Variants in OR1L8 observed in about 807,000 individuals in gnomAD.
OR1L8 encodes the protein olfactory receptor family 1 subfamily L member 8, also known as olfactory receptor 1L8.
For missense variants in OR1L8, 330 were observed against 377.4 expected (o/e 0.87, Z 1.04); for synonymous variants, 148 against 147.0 (o/e 1.01, Z -0.05).
At chr9:122,555,616 C>G in the OR1L8 span, among the ~76,000 whole-genome samples, 35,877 of 152,126 alleles carry the variant, frequency 0.24, 4,701 homozygotes, top group Middle Eastern at 0.34. Flanking sequence ...ATAAAGATAT[C>G]TACCTCAAGG....
chr9:122,563,242 T>C (rs1239655774), downstream of OR1L8, among the ~76,000 whole-genome samples: 1 of 152,076 alleles, frequency 6.6e-6, no homozygotes, highest in African/African-American at 2.4e-5. Context: ...TGATATCTCA[T>C]TGTGTTTTTA....
In OR1L8 at chr9:122,567,389, G is replaced by C; in HGVS notation, c.*159C>G. 1.9e-6 allele frequency: 1 copy of C among 536,196 alleles called. No homozygotes were observed. Among genetic ancestry groups the C allele is most frequent in the Non-Finnish European group, 3.2e-6 (1 of 307,804 alleles). 33.2% of individuals were successfully genotyped at this position (536,196 alleles called of 1,614,324 possible). A position where few individuals can be genotyped will look rare whatever the true frequency, so the allele number is the denominator to read the frequency against. ...TGATTTAAGAGATACAGGCCGAATT[G>C]TTGGGTCATCATCAATGGATGTAAG... On this transcript the variant is annotated 3_prime_UTR_variant, in exon 5 of 5. Transcript: ENST00000641027.
chr9:122,567,335 A>G lies in OR1L8; in HGVS notation c.*213T>C. On this transcript the variant is annotated 3_prime_UTR_variant, in exon 5 of 5. Transcript: ENST00000641027. ...AGTGGAAAAAATAAATCTTTCCAAG[A>G]AAGAGGAGACACAGACAGGAAACGA... The G allele has an allele frequency of 2.3e-6, 1 of 426,766 alleles. No individual in the cohort carries two copies. Among genetic ancestry groups the G allele is most frequent in the Non-Finnish European group, 4.1e-6 (1 of 242,344 alleles). 26.4% of individuals were successfully genotyped at this position (426,766 alleles called of 1,614,324 possible). A position where few individuals can be genotyped will look rare whatever the true frequency, so the allele number is the denominator to read the frequency against.
At chr9:122,568,991 G>A (rs535204099) in intron 4 of OR1L8, among the ~76,000 whole-genome samples, 1 of 149,306 alleles carries the variant, frequency 6.7e-6, no homozygotes, top group South Asian at 2.1e-4. Flanking sequence ...GAGGTTTCAG[G>A]ACACTCTTTC....
At chr9:122,560,140 A>G in the OR1L8 span, among the ~76,000 whole-genome samples, 2 of 152,242 alleles carry the variant, frequency 1.3e-5, no homozygotes, top group Middle Eastern at 3.4e-3. Flanking sequence ...GTCAGAGACT[A>G]GGATCACAAC....
At position 122,567,703 on chromosome 9, in the gene OR1L8, C is replaced by T. The variant is rs769191851; in HGVS notation, c.775G>A (p.Val259Ile). ...TAGGTGGATGGGGGCTGTAAATAGA[C>T]ACAGAAGATGCTTCCATAAAAGAGC... ...VTLFYGSIFC[V>I]YLQPPSTYAV... The change falls in exon 5 of 5, where the codon GTC (valine) becomes ATC (isoleucine). Residue 259 changes from valine to isoleucine, a missense_variant. By Grantham distance (29) the Val-to-Ile change is conservative. Coordinates refer to ENST00000641027, the MANE Select transcript of OR1L8 (RefSeq NM_001004454.2). The T allele has an allele frequency of 4.3e-6, 7 of 1,613,930 alleles. No homozygotes were observed. The Admixed American group carries it at 1.2e-4, about 27-fold the overall frequency.
downstream of OR1L8, among the ~76,000 whole-genome samples, chr9:122,566,684 A>G (rs1588213348): frequency 6.6e-6 from 1 of 152,350 alleles, no homozygotes; most frequent in East Asian, 1.9e-4. Flanking sequence ...TGGAGATTAT[A>G]TATACATATA....
chr9:122,582,040 C>T (rs906665625), intron 1 of OR1L8, among the ~76,000 whole-genome samples: 14 of 152,148 alleles, frequency 9.2e-5, no homozygotes, highest in Admixed American at 5.2e-4. Flanking sequence ...TATTGGAGAC[C>T]TTTCCCTAAA....
intron 1 of OR1L8, among the ~76,000 whole-genome samples, chr9:122,581,374 CA>C (rs139568713): frequency 0.026 from 3,906 of 149,214 alleles, 113 homozygotes; most frequent in African/African-American, 0.07. Context: ...CAAAACAAAA[CA>C]AAAAAAAAGT....
the OR1L8 span, among the ~76,000 whole-genome samples, chr9:122,561,509 T>C: frequency 6.6e-6 from 1 of 152,196 alleles, no homozygotes; most frequent in Non-Finnish European, 1.5e-5. Flanking sequence ...TGCTGACCCT[T>C]GGATGAGGTT....
chr9:122,553,828 G>C, the OR1L8 span: 1 of 1,614,016 alleles, frequency 6.2e-7, no homozygotes, highest in Non-Finnish European at 8.5e-7. Flanking sequence ...ATCACCATGG[G>C]CTTGCTGTTC....
Position 122,568,695 on chromosome 9 carries a change from G to A in OR1L8, c.-212-6C>T. 1 of 450,786 alleles carries A rather than the reference G, an allele frequency of 2.2e-6. No homozygotes were observed. The highest frequency in any genetic ancestry group is 3.9e-6 in the Non-Finnish European group (1 of 257,998). The allele number at this position is 450,786 out of a possible 1,614,324, so 27.9% of individuals were successfully genotyped here. On this transcript the variant is annotated splice_polypyrimidine_tract_variant and splice_region_variant and intron_variant, in intron 4 of 4. Transcript: ENST00000641027. ...TAAGGGCATTATATTGAAATCTGGA[G>A]GGACAGAGGGAGAGTTTTCCTTTAG...
the OR1L8 span, among the ~76,000 whole-genome samples, chr9:122,556,337 C>T: frequency 4.0e-5 from 6 of 150,928 alleles, no homozygotes; most frequent in Non-Finnish European, 5.9e-5. Context: ...GTTGAAGAGA[C>T]TGTTTTCTCC....
At chr9:122,550,754 A>G in the OR1L8 span, among the ~76,000 whole-genome samples, 1 of 152,136 alleles carries the variant, frequency 6.6e-6, no homozygotes, top group African/African-American at 2.4e-5. Context: ...ATACCTAAAT[A>G]TAATAAAAGC....
At chr9:122,566,851 A>G (rs1382996991), downstream of OR1L8, among the ~76,000 whole-genome samples, 3 of 152,188 alleles carry the variant, frequency 2.0e-5, no homozygotes, top group African/African-American at 7.2e-5. Context: ...ACCAGAAGAA[A>G]TGTTTCAACC....
chr9:122,556,895 C>T, the OR1L8 span, among the ~76,000 whole-genome samples: 111 of 150,184 alleles, frequency 7.4e-4, no homozygotes, highest in Non-Finnish European at 1.3e-3. Flanking sequence ...TGGAATATCT[C>T]TTCATTTATT....
chr9:122,552,519 T>G, the OR1L8 span, among the ~76,000 whole-genome samples: 57 of 152,086 alleles, frequency 3.7e-4, no homozygotes, highest in African/African-American at 1.2e-3. Context: ...AGAGAGTGGC[T>G]CCCTGTCCTA....
At chr9:122,563,656 CT>C (rs1228455986), downstream of OR1L8, among the ~76,000 whole-genome samples, 2 of 152,182 alleles carry the variant, frequency 1.3e-5, no homozygotes, top group African/African-American at 2.4e-5. Flanking sequence ...GTTGTCTATG[CT>C]TTTAAGGTCT....
chr9:122,566,211 T>A (rs1708496903), downstream of OR1L8, among the ~76,000 whole-genome samples: 1 of 152,254 alleles, frequency 6.6e-6, no homozygotes, highest in African/African-American at 2.4e-5. Flanking sequence ...TTTTTAGATA[T>A]GCATGCACTC....
Sources: gnomAD v4.1 joint callset for allele counts (sites outside exome capture counted in the v4.1 genomes callset) on GRCh38, gnomAD v4.1.1 for gene constraint, MANE v1.5 for transcripts, NCBI Gene and HGNC (gene_info 2026-07-23, HGNC 2026-07-21) for gene names.